GRK5: variants seen among roughly 807,000 people sequenced by gnomAD.
GRK5 encodes the protein G protein-coupled receptor kinase 5, also known as g protein-coupled receptor kinase GRK5.
A neutral mutation model predicts 78.4 loss-of-function variants in GRK5; 40 were observed. The ratio of observed to expected loss-of-function variants is 0.51; its 90% CI spans 0.40 to 0.66. GRK5 has a LOEUF of 0.66. Ranked by LOEUF, GRK5 falls within the 30% of genes least tolerant of loss-of-function variation. GRK5 has a pLI of 0.00. For synonymous variants in GRK5, 289 were observed against 296.8 expected, an observed-to-expected ratio of 0.97 and a Z score of 0.27; for missense variants, 598 against 759.9, an observed-to-expected ratio of 0.79 and a Z score of 2.50.
chr10:119,452,297 A>G lies in GRK5; in HGVS notation c.1405-374A>G, dbSNP rs1000485634. Among the ~76,000 whole-genome samples, 2 of 152,212 alleles carry G rather than the reference A, an allele frequency of 1.3e-5. No homozygotes were observed. The highest frequency in any genetic ancestry group is 4.8e-5 in the African/African-American group (2 of 41,454). ...CTGGGACTCTAGCCCACGTCTGTCCAGTATGGGTAAGGGAGTGATGGCAGG... is the reference window on the plus strand; with the variant it reads ...CTGGGACTCTAGCCCACGTCTGTCCGGTATGGGTAAGGGAGTGATGGCAGG... On this transcript the variant is annotated intron_variant, in intron 13 of 15. Coordinates refer to ENST00000392870, the MANE Select transcript of GRK5 (RefSeq NM_005308.3). The surrounding 1 kb of genome is among the most constrained non-coding windows in gnomAD (Gnocchi z 4.4).
intron 1 of GRK5, among the ~76,000 whole-genome samples, chr10:119,242,976 C>T (rs1235790039): frequency 6.6e-6 from 1 of 152,172 alleles, no homozygotes; most frequent in Non-Finnish European, 1.5e-5. Context: ...CAGTGGCTCA[C>T]GCCTATAATC....
At chr10:119,439,708 A>T (rs1435089347) in intron 9 of GRK5, 23 bp from the exon 10 acceptor site, 1 of 1,613,910 alleles carries the variant, frequency 6.2e-7, no homozygotes. Context: ...CCACACTCTG[A>T]TGCTTGTTGT....
At chr10:119,210,360 G>A (rs1358514233) in intron 1 of GRK5, among the ~76,000 whole-genome samples, 2 of 152,192 alleles carry the variant, frequency 1.3e-5, no homozygotes, top group African/African-American at 4.8e-5. Context: ...CTAGAGGAAA[G>A]CCATGATTTT....
At position 119,293,609 on chromosome 10, in the gene GRK5, C is replaced by T. The variant is rs182498330; in HGVS notation, c.53-32907C>T. Among the ~76,000 whole-genome samples the T allele has an allele frequency of 2.2e-3, 336 of 152,320 alleles. 2 individuals carry two copies. Among genetic ancestry groups the T allele is most frequent in the African/African-American group, 7.5e-3 (312 of 41,566 alleles). ...GGATTGCCAGGTACCAAGTATCAGGCAAATTGGCTTCTTTGTACATTCCTC... is the reference window on the plus strand; with the variant it reads ...GGATTGCCAGGTACCAAGTATCAGGTAAATTGGCTTCTTTGTACATTCCTC... On this transcript the variant is annotated intron_variant, in intron 1 of 15. Transcript: ENST00000392870.
chr10:119,259,227 G>T (rs1849334555), intron 1 of GRK5, among the ~76,000 whole-genome samples: 1 of 152,066 alleles, frequency 6.6e-6, no homozygotes. Context: ...ACCGCGCCTG[G>T]CTAATTTTTT....
chr10:119,329,623 G>A (rs986500861), intron 2 of GRK5, among the ~76,000 whole-genome samples: 1 of 152,026 alleles, frequency 6.6e-6, no homozygotes, highest in Admixed American at 6.6e-5. Context: ...CCAGCTACTC[G>A]GGAGGCTGAG....
At chr10:119,318,545 T>C (rs1209980791) in intron 1 of GRK5, among the ~76,000 whole-genome samples, 1 of 152,088 alleles carries the variant, frequency 6.6e-6, no homozygotes, top group African/African-American at 2.4e-5. Context: ...TCAGTGTCCT[T>C]TGGAGGAGGG....
At chr10:119,413,034 C>T (rs962873871) in intron 4 of GRK5, among the ~76,000 whole-genome samples, 2 of 152,162 alleles carry the variant, frequency 1.3e-5, no homozygotes, top group Admixed American at 6.5e-5. Context: ...GGATTCTTGG[C>T]AGCAAGTGGC....
chr10:119,397,871 C>T lies in GRK5; in HGVS notation c.339+1099C>T, dbSNP rs920323613. Among the ~76,000 whole-genome samples, 50 of 152,256 alleles carry T rather than the reference C, an allele frequency of 3.3e-4. 1 individual carries two copies. Among genetic ancestry groups the T allele is most frequent in the South Asian group, 2.1e-4 (1 of 4,838 alleles). On this transcript the variant is annotated intron_variant, in intron 4 of 15. Transcript: ENST00000392870. ...AGCCTGCTAGACGGCATTCCTAATG[C>T]GCACACAGTCGCCATCACCTTGTTG...
intron 1 of GRK5, among the ~76,000 whole-genome samples, chr10:119,263,991 G>A (rs1849454099): frequency 6.6e-6 from 1 of 152,028 alleles, no homozygotes; most frequent in Non-Finnish European, 1.5e-5. Context: ...ACTAATTGTG[G>A]GTCTTTTCCT....
At chr10:119,299,007 C>T (rs1187238288) in intron 1 of GRK5, among the ~76,000 whole-genome samples, 1 of 152,186 alleles carries the variant, frequency 6.6e-6, no homozygotes, top group Non-Finnish European at 1.5e-5. Flanking sequence ...CTGGCACATC[C>T]ACTTCCCACC....
intron 2 of GRK5, among the ~76,000 whole-genome samples, chr10:119,371,197 C>T (rs551204180): frequency 9.2e-5 from 14 of 152,292 alleles, no homozygotes; most frequent in African/African-American, 2.9e-4. Flanking sequence ...TCCCCGCACC[C>T]GGGCTGCAGC....
intron 2 of GRK5, among the ~76,000 whole-genome samples, chr10:119,353,462 C>A (rs1452786782): frequency 6.6e-6 from 1 of 152,204 alleles, no homozygotes. Flanking sequence ...TCAATACTTA[C>A]CATTGAAACA....
chr10:119,432,883 C>T (rs1045611482), intron 8 of GRK5, among the ~76,000 whole-genome samples: 2 of 152,172 alleles, frequency 1.3e-5, no homozygotes, highest in Non-Finnish European at 2.9e-5. Flanking sequence ...TCAACCTGGC[C>T]AACATGGCAA....
intron 2 of GRK5, among the ~76,000 whole-genome samples, chr10:119,376,964 G>A (rs1005061068): frequency 3.3e-5 from 5 of 152,212 alleles, no homozygotes; most frequent in Admixed American, 2.6e-4. Flanking sequence ...TTCTAGAAGA[G>A]CAAGTGCGCA....
chr10:119,374,751 G>A (rs564374616), intron 2 of GRK5, among the ~76,000 whole-genome samples: 2 of 140,038 alleles, frequency 1.4e-5, no homozygotes, highest in South Asian at 5.1e-4. Flanking sequence ...GAGCCTGGTG[G>A]GAGGTGTTTG....
rs1267507036 is a variant in GRK5, at chr10:119,452,998, CG to C, written c.1543-143del. The C allele has an allele frequency of 1.2e-6, 1 of 856,354 alleles. No individual in the cohort carries two copies. Among genetic ancestry groups the C allele is most frequent in the East Asian group, 2.4e-5 (1 of 41,340 alleles). The allele number at this position is 856,354 out of a possible 1,614,324, so 53.0% of individuals were successfully genotyped here. On this transcript the variant is annotated intron_variant, in intron 14 of 15. Coordinates refer to ENST00000392870, the MANE Select transcript of GRK5 (RefSeq NM_005308.3). This position sits in a 1 kb window ranked among gnomAD's most constrained non-coding sequence, Gnocchi z 4.4. ...GTAGCCACCACGGGCCAGTCATTGACGGGGAGCCTCGCCCAGCCCCTGAGAC... is the reference window on the plus strand; with the variant it reads ...GTAGCCACCACGGGCCAGTCATTGACGGGAGCCTCGCCCAGCCCCTGAGAC...
At chr10:119,428,531 A>G (rs1852748662) in intron 6 of GRK5, among the ~76,000 whole-genome samples, 1 of 152,202 alleles carries the variant, frequency 6.6e-6, no homozygotes, top group East Asian at 1.9e-4. Flanking sequence ...GAGTTGGAGC[A>G]GCCTTGGGCC....
Position 119,207,982 on chromosome 10 carries a change from G to A in GRK5, c.52+13G>A. On this transcript the variant is annotated intron_variant, in intron 1 of 15. Transcript: ENST00000392870. ...AAAGCCAGGGAAGGTAAGAGGCAGGGCCGGTACGTGCCCGGCGCGTCCGCC... is the reference window on the plus strand; with the variant it reads ...AAAGCCAGGGAAGGTAAGAGGCAGGACCGGTACGTGCCCGGCGCGTCCGCC... 1 of 1,601,400 alleles carries A rather than the reference G, an allele frequency of 6.2e-7. No homozygotes were observed. The highest frequency in any genetic ancestry group is 2.3e-5 in the East Asian group (1 of 43,746).
Sources: allele counts gnomAD v4.1 joint callset (sites outside exome capture counted in the v4.1 genomes callset), GRCh38; gene constraint gnomAD v4.1.1; non-coding constraint Gnocchi (gnomAD v3.1); transcripts MANE v1.5; gene names NCBI Gene and HGNC (gene_info 2026-07-23, HGNC 2026-07-21).